The following MZT2A variants were observed in gnomAD, a reference collection of about 807,000 sequenced individuals.
MZT2A encodes mitotic spindle organizing protein 2A.
Under a neutral mutation model 12.4 loss-of-function variants are expected in MZT2A, and 8 were observed. The ratio of observed to expected loss-of-function variants is 0.64; its 90% CI spans 0.38 to 1.16. MZT2A has a LOEUF of 1.16. Ranked by LOEUF, MZT2A falls within the 50% of genes most tolerant of loss-of-function variation. The probability of loss-of-function intolerance (pLI) is 0.01; values close to 1 mark genes in which losing one functional copy is unlikely to be tolerated. For missense variants in MZT2A, 181 were observed against 223.6 expected, an observed-to-expected ratio of 0.81 and a Z score of 1.22; for synonymous variants, 88 against 107.5, an observed-to-expected ratio of 0.82 and a Z score of 1.12.
chr2:131,474,132 G>C (rs1349755190), intron 2 of MZT2A, among the ~76,000 whole-genome samples: 1 of 148,890 alleles, frequency 6.7e-6, no homozygotes, highest in Non-Finnish European at 1.5e-5. Context: ...GAGTCTCGCT[G>C]TGTTGCCCAG....
downstream of MZT2A, chr2:131,480,871 A>C: frequency 6.5e-6 from 9 of 1,378,374 alleles, no homozygotes; most frequent in Non-Finnish European, 8.8e-6. Flanking sequence ...ATGTGGGCAT[A>C]AATTAGTGAA....
downstream of MZT2A, chr2:131,480,028 G>A (rs1306703706): frequency 6.5e-7 from 1 of 1,534,856 alleles, no homozygotes; most frequent in Admixed American, 2.1e-5. Flanking sequence ...TGGTGGTGTG[G>A]CTTCCATGGG....
intron 2 of MZT2A, among the ~76,000 whole-genome samples, chr2:131,472,604 A>G (rs929324097): frequency 6.6e-6 from 1 of 152,066 alleles, no homozygotes; most frequent in Non-Finnish European, 1.5e-5. Context: ...ATAATACCAT[A>G]TTTTTCCCGT....
downstream of MZT2A, chr2:131,480,220 A>G (rs756744500): frequency 2.5e-6 from 4 of 1,613,910 alleles, no homozygotes; most frequent in Non-Finnish European, 3.4e-6. Context: ...CCAGCCCCCC[A>G]GGTCTCCACA....
At chr2:131,482,636 A>G, downstream of MZT2A, 1 of 1,614,166 alleles carries the variant, frequency 6.2e-7, no homozygotes, top group Non-Finnish European at 8.5e-7. Context: ...GCTGAGCAAC[A>G]CCACGGCCAT....
intron 1 of MZT2A, 67 bp downstream of exon 1, chr2:131,492,140 G>T: frequency 6.5e-7 from 1 of 1,538,388 alleles, no homozygotes; most frequent in Non-Finnish European, 8.8e-7. Context: ...CCAGCGGGCC[G>T]GGCGTACCCG....
chr2:131,490,554 C>T (rs1176685794), intron 2 of MZT2A: 7 of 1,495,408 alleles, frequency 4.7e-6, no homozygotes, highest in Admixed American at 2.2e-5. Flanking sequence ...TCTAATAAAC[C>T]GAGTCAGAAA....
chr2:131,491,532 T>G, intron 2 of MZT2A: 6 of 444,894 alleles, frequency 1.3e-5, no homozygotes, highest in Non-Finnish European at 2.4e-5. Flanking sequence ...GTCCCAAAGA[T>G]TATAGGCGTG....
chr2:131,473,602 T>C (rs1559342209), intron 2 of MZT2A, among the ~76,000 whole-genome samples: 1 of 147,706 alleles, frequency 6.8e-6, no homozygotes, highest in Non-Finnish European at 1.5e-5. Flanking sequence ...AGATGATCTT[T>C]AGGGATGGAA....
chr2:131,475,807 C>T (rs1376116801), intron 2 of MZT2A, among the ~76,000 whole-genome samples: 2 of 152,036 alleles, frequency 1.3e-5, no homozygotes. Context: ...GAGGGGCAGG[C>T]CTGGGGCAAT....
At chr2:131,472,915 C>CCCT (rs1559341698) in intron 2 of MZT2A, among the ~76,000 whole-genome samples, 3 of 151,274 alleles carry the variant, frequency 2.0e-5, no homozygotes, top group African/African-American at 7.4e-5. Flanking sequence ...AATGGTGTCC[C>CCCT]CCCCCACCAA....
chr2:131,476,528 A>C (rs191300625), intron 2 of MZT2A, among the ~76,000 whole-genome samples: 226 of 152,284 alleles, frequency 1.5e-3, no homozygotes, highest in Non-Finnish European at 2.4e-3. Context: ...GTGCTACTCG[A>C]AACAACTGAG....
chr2:131,480,374 C>T, downstream of MZT2A: 1 of 1,608,284 alleles, frequency 6.2e-7, no homozygotes, highest in Non-Finnish European at 8.5e-7. Flanking sequence ...ACACCAACCT[C>T]AATCGCCTGA....
At chr2:131,489,090 G>A (rs1171956858) in intron 2 of MZT2A, among the ~76,000 whole-genome samples, 1 of 152,192 alleles carries the variant, frequency 6.6e-6, no homozygotes, top group Non-Finnish European at 1.5e-5. Context: ...GCTCACACGT[G>A]TGGGGCTCTG....
chr2:131,482,625 T>C, downstream of MZT2A: 3 of 1,614,186 alleles, frequency 1.9e-6, no homozygotes, highest in East Asian at 6.7e-5. Flanking sequence ...GCCGTGTGCA[T>C]GCTGAGCAAC....
intron 2 of MZT2A, 57 bp downstream of exon 2, chr2:131,491,819 C>T (rs1436238947): frequency 7.7e-7 from 1 of 1,294,730 alleles, no homozygotes; most frequent in Non-Finnish European, 1.0e-6. Flanking sequence ...CCGCGCCTGC[C>T]CCCTCCCCGC....
At chr2:131,474,405 CTTTTTTTT>C (rs70994777) in intron 2 of MZT2A, among the ~76,000 whole-genome samples, 56 of 94,842 alleles carry the variant, frequency 5.9e-4, no homozygotes, top group African/African-American at 1.9e-3. Flanking sequence ...TCTTCTTCTT[CTTTTTTTT>C]TTTTTTTTTT....
chr2:131,492,987 C>A (rs1205732415), upstream of MZT2A: 28 of 1,521,302 alleles, frequency 1.8e-5, no homozygotes, highest in African/African-American at 2.2e-4. Flanking sequence ...GCTTTGCGCA[C>A]GTACCTTTTG....
downstream of MZT2A, chr2:131,479,549 C>T (rs530104949): frequency 6.4e-4 from 1,012 of 1,571,462 alleles, 2 homozygotes; most frequent in Non-Finnish European, 7.8e-4. Flanking sequence ...ACACTTAGAC[C>T]AGCATCTTGG....
Sources: allele counts gnomAD v4.1 joint callset (sites outside exome capture counted in the v4.1 genomes callset), GRCh38; gene constraint gnomAD v4.1.1; transcripts MANE v1.5; gene names NCBI Gene and HGNC (gene_info 2026-07-23, HGNC 2026-07-21).